The following DCX variants were observed in gnomAD, a reference collection of about 807,000 sequenced individuals.
DCX encodes doublecortin, also known as neuronal migration protein doublecortin.
In DCX, 4 loss-of-function variants were observed where a neutral mutation model predicts 20.9. The ratio of observed to expected loss-of-function variants is 0.19; its 90% CI spans 0.09 to 0.44. DCX has a LOEUF of 0.44. Ranked by LOEUF, DCX falls within the 20% of genes least tolerant of loss-of-function variation. The probability of loss-of-function intolerance (pLI) is 0.99; values close to 1 mark genes in which losing one functional copy is unlikely to be tolerated. For synonymous variants in DCX, 103 were observed against 111.4 expected (o/e 0.92, Z 0.47); for missense variants, 133 against 296.9 (o/e 0.45, Z 4.06).
intron 3 of DCX, among the ~76,000 whole-genome samples, chrX:111,365,261 G>A (rs766088601): frequency 9.2e-6 from 1 of 108,836 alleles, no homozygotes; most frequent in South Asian, 4.0e-4. Context: ...AAGCAGAACT[G>A]TTCACTCATT....
intron 3 of DCX, among the ~76,000 whole-genome samples, chrX:111,386,295 C>A: frequency 9.0e-6 from 1 of 111,191 alleles, no homozygotes. Flanking sequence ...CCACAGCCAG[C>A]GCTGTTAAGC....
In DCX at chrX:111,301,641, G is replaced by T; in HGVS notation, c.*46C>A. 1 of 1,168,881 alleles carries T rather than the reference G, an allele frequency of 8.6e-7. No homozygotes were observed. Among genetic ancestry groups the T allele is most frequent in the Non-Finnish European group, 1.2e-6 (1 of 856,454 alleles). On this transcript the variant is annotated 3_prime_UTR_variant, in exon 7 of 7. Transcript: ENST00000636035. ...TTGAGCAGAAGTACCCTACTACAAT[G>T]ATAGGCTTGGATTTGTACTCTGGAC...
At chrX:111,356,604 G>A (rs1232245258) in intron 3 of DCX, among the ~76,000 whole-genome samples, 1 of 112,384 alleles carries the variant, frequency 8.9e-6, no homozygotes, top group Non-Finnish European at 1.9e-5. Context: ...TTCAATAGTT[G>A]AATAGGAGTT....
intron 3 of DCX, among the ~76,000 whole-genome samples, chrX:111,369,890 T>C (rs1924939849): frequency 8.9e-6 from 1 of 111,744 alleles, no homozygotes; most frequent in African/African-American, 3.3e-5. Flanking sequence ...CTTTGTTCTC[T>C]AGCAGCTATC....
intron 3 of DCX, among the ~76,000 whole-genome samples, chrX:111,379,343 C>T (rs1925786861): frequency 2.7e-5 from 3 of 111,429 alleles, no homozygotes; most frequent in South Asian, 7.7e-4. Context: ...CAACAAAAAC[C>T]GCTGTGCCCA....
intron 5 of DCX, among the ~76,000 whole-genome samples, chrX:111,329,053 GA>G (rs2095106302): frequency 8.9e-6 from 1 of 112,334 alleles, no homozygotes; most frequent in Admixed American, 9.4e-5. Flanking sequence ...CTGTTTCTGA[GA>G]AATGATTAGC....
intron 3 of DCX, among the ~76,000 whole-genome samples, chrX:111,399,058 G>A (rs1461181146): frequency 9.0e-6 from 1 of 111,005 alleles, no homozygotes; most frequent in African/African-American, 3.3e-5. Flanking sequence ...AGGTTGCAGT[G>A]AGCCAAATTC....
intron 3 of DCX, among the ~76,000 whole-genome samples, chrX:111,342,339 TTATATATATATATATA>T (rs60045433): frequency 0.17 from 3,598 of 20,744 alleles, 325 homozygotes; most frequent in African/African-American, 0.29. Flanking sequence ...GAGCTAACTA[TTATATATATATATATA>T]TATATATATA....
chrX:111,321,248 C>G (rs892818778), intron 5 of DCX, among the ~76,000 whole-genome samples: 2 of 112,039 alleles, frequency 1.8e-5, no homozygotes, highest in Non-Finnish European at 3.8e-5. Flanking sequence ...TGACATGTAA[C>G]TACCCTCATG....
At chrX:111,403,311 C>T (rs1322692654) in intron 2 of DCX, among the ~76,000 whole-genome samples, 1 of 112,174 alleles carries the variant, frequency 8.9e-6, no homozygotes, top group Non-Finnish European at 1.9e-5. Flanking sequence ...TATGATTTCA[C>T]TCATCCAGTC....
intron 3 of DCX, among the ~76,000 whole-genome samples, chrX:111,373,188 A>T (rs1925243988): frequency 1.8e-5 from 2 of 112,251 alleles, no homozygotes; most frequent in Non-Finnish European, 3.8e-5. Flanking sequence ...TGACACTTTC[A>T]GCTACTGGAC....
At chrX:111,331,728 C>T (rs146394867) in intron 4 of DCX, among the ~76,000 whole-genome samples, 189 of 112,290 alleles carry the variant, frequency 1.7e-3, no homozygotes, top group Middle Eastern at 9.2e-3. Context: ...TAGCCTCAGT[C>T]TGACACCTTT....
chrX:111,349,084 A>G (rs762532976), intron 3 of DCX, among the ~76,000 whole-genome samples: 1 of 111,173 alleles, frequency 9.0e-6, no homozygotes, highest in African/African-American at 3.3e-5. Context: ...CCCTAGAAAA[A>G]ATGCATATAT....
chrX:111,367,436 G>A (rs1863967468), intron 3 of DCX, among the ~76,000 whole-genome samples: 1 of 111,977 alleles, frequency 8.9e-6, no homozygotes, highest in South Asian at 3.8e-4. Flanking sequence ...ACTGAGATGA[G>A]TTCAGTCAGA....
intron 3 of DCX, among the ~76,000 whole-genome samples, chrX:111,372,238 C>G (rs1249512605): frequency 8.9e-6 from 1 of 111,921 alleles, no homozygotes; most frequent in Non-Finnish European, 1.9e-5. Context: ...CTGGGGGAAG[C>G]GCTTTTTTTT....
Position 111,332,937 on chromosome X carries a change from A to C in DCX, c.808+114T>G. 5.3e-6 allele frequency: 3 copies of C among 570,501 alleles called. No individual in the cohort carries two copies. In the South Asian group the frequency reaches 7.4e-5, roughly 14 times the overall value. The allele number at this position is 570,501 out of a possible 1,213,427, so 47.0% of individuals were successfully genotyped here. A position where few individuals can be genotyped will look rare whatever the true frequency, so the allele number is the denominator to read the frequency against. On this transcript the variant is annotated intron_variant, in intron 4 of 6. Coordinates refer to ENST00000636035, the MANE Select transcript of DCX (RefSeq NM_001195553.2). ...TATACAGGAGAAAGACCAACATTAT[A>C]AGCCCTTGAAGGATCATGCATAGAT...
chrX:111,379,335 A>G (rs1203769994), intron 3 of DCX, among the ~76,000 whole-genome samples: 2 of 111,262 alleles, frequency 1.8e-5, no homozygotes, highest in Non-Finnish European at 3.8e-5. Flanking sequence ...ATCACCCCCA[A>G]CAAAAACCGC....
intron 3 of DCX, among the ~76,000 whole-genome samples, chrX:111,343,601 T>C (rs1462250677): frequency 3.6e-5 from 4 of 111,992 alleles, no homozygotes; most frequent in African/African-American, 6.5e-5. Context: ...AGCATCATCC[T>C]GATACCAAAA....
chrX:111,376,307 T>C (rs188789332), intron 3 of DCX, among the ~76,000 whole-genome samples: 3 of 111,933 alleles, frequency 2.7e-5, no homozygotes, highest in Admixed American at 1.9e-4. Context: ...TTGCTGATTC[T>C]TGCAGAAACC....
Sources: gnomAD v4.1 joint callset for allele counts (sites outside exome capture counted in the v4.1 genomes callset) on GRCh38, gnomAD v4.1.1 for gene constraint, MANE v1.5 for transcripts, NCBI Gene and HGNC (gene_info 2026-07-23, HGNC 2026-07-21) for gene names.